Variants in LRMDA observed in about 807,000 individuals in gnomAD.
LRMDA encodes leucine rich melanocyte differentiation associated.
In LRMDA, 18 loss-of-function variants were observed where a neutral mutation model predicts 29.8. The ratio of observed to expected loss-of-function variants is 0.60; its 90% CI spans 0.42 to 0.90. The LOEUF is 0.90. LRMDA is among the 40% of genes least tolerant of loss of function. LRMDA has a pLI of 0.00. For synonymous variants in LRMDA, 125 were observed against 109.4 expected (o/e 1.14, Z -0.89); for missense variants, 273 against 273.9 (o/e 1.00, Z 0.02).
At chr10:75,712,932 A>T (rs1185001072) in intron 2 of LRMDA, among the ~76,000 whole-genome samples, 1 of 152,046 alleles carries the variant, frequency 6.6e-6, no homozygotes, top group Admixed American at 6.5e-5. Flanking sequence ...TAATGTTTCC[A>T]CTAAATTTAC....
chr10:76,489,562 T>G (rs547576760), intron 6 of LRMDA, among the ~76,000 whole-genome samples: 30 of 152,086 alleles, frequency 2.0e-4, no homozygotes, highest in African/African-American at 6.0e-4. Context: ...ATTTTGAGTT[T>G]TGTTGCTCTT....
intron 6 of LRMDA, among the ~76,000 whole-genome samples, chr10:76,390,504 CAAA>C (rs1287185717): frequency 1.1e-5 from 1 of 95,232 alleles, no homozygotes. Context: ...TTAAGCAGAA[CAAA>C]AAAAAAAAAA....
At chr10:76,004,968 C>G (rs1324040916) in intron 2 of LRMDA, among the ~76,000 whole-genome samples, 1 of 152,038 alleles carries the variant, frequency 6.6e-6, no homozygotes, top group Non-Finnish European at 1.5e-5. Flanking sequence ...ACCTTGTGAT[C>G]CACCCACCTC....
chr10:76,290,050 A>G (rs1386005066), intron 5 of LRMDA, among the ~76,000 whole-genome samples: 3 of 152,220 alleles, frequency 2.0e-5, no homozygotes, highest in Non-Finnish European at 4.4e-5. Flanking sequence ...TGTAACCACT[A>G]TTAACTGTGT....
intron 2 of LRMDA, among the ~76,000 whole-genome samples, chr10:75,607,824 G>GTTT (rs5786180): frequency 5.3e-4 from 38 of 72,258 alleles, no homozygotes; most frequent in African/African-American, 1.6e-3. Context: ...TGATTCAGTG[G>GTTT]TTTTTTTTTT....
At chr10:76,145,358 C>G (rs1384990137) in intron 5 of LRMDA, among the ~76,000 whole-genome samples, 3 of 152,144 alleles carry the variant, frequency 2.0e-5, no homozygotes, top group African/African-American at 7.2e-5. Context: ...ATTATTGCCT[C>G]AATTTCAGAG....
intron 2 of LRMDA, chr10:75,451,555 T>C (rs1021059827): frequency 1.3e-5 from 2 of 152,218 alleles, no homozygotes; most frequent in Non-Finnish European, 2.9e-5. Flanking sequence ...AGCAAGCTAA[T>C]TGATTTATCT....
chr10:75,900,704 C>G (rs1316764631), intron 2 of LRMDA, among the ~76,000 whole-genome samples: 1 of 152,182 alleles, frequency 6.6e-6, no homozygotes, highest in Non-Finnish European at 1.5e-5. Context: ...GTGGACCTCA[C>G]TGCAGATCCA....
intron 5 of LRMDA, among the ~76,000 whole-genome samples, chr10:76,107,620 G>C (rs191626885): frequency 6.6e-6 from 1 of 152,198 alleles, no homozygotes; most frequent in South Asian, 2.1e-4. Context: ...TGTTTCCGCT[G>C]TCTCTGTTAA....
chr10:76,121,611 C>T (rs1478811377), intron 5 of LRMDA, among the ~76,000 whole-genome samples: 2 of 152,196 alleles, frequency 1.3e-5, no homozygotes, highest in Admixed American at 6.5e-5. Flanking sequence ...TAATGTCATT[C>T]TCCCATGCCA....
intron 5 of LRMDA, among the ~76,000 whole-genome samples, chr10:76,113,110 ATCT>A (rs1849608315): frequency 6.6e-6 from 1 of 152,028 alleles, no homozygotes; most frequent in Non-Finnish European, 1.5e-5. Context: ...AGGAGTGTAA[ATCT>A]TCTAGTTTGG....
intron 2 of LRMDA, among the ~76,000 whole-genome samples, chr10:75,794,891 A>C (rs980801852): frequency 6.6e-6 from 1 of 151,972 alleles, no homozygotes; most frequent in African/African-American, 2.4e-5. Context: ...TTCACTTCTT[A>C]AATGGTGCCT....
chr10:76,389,840 T>C (rs1841702267), intron 6 of LRMDA, among the ~76,000 whole-genome samples: 1 of 152,306 alleles, frequency 6.6e-6, no homozygotes, highest in East Asian at 1.9e-4. Context: ...TCCAATTGTA[T>C]CTATATGCCA....
In LRMDA at chr10:75,819,944, CTT is replaced by C. The variant is rs537258168; in HGVS notation, c.132-216061_132-216060del. On this transcript the variant is annotated intron_variant, in intron 2 of 6. Coordinates refer to ENST00000611255, the MANE Select transcript of LRMDA (RefSeq NM_001305581.2). ...GGATGTAAAATATCTCATCAGTAAT[CTT>C]TTATTTTGACAAGAGGATGTAACAA... Among the ~76,000 whole-genome samples, 1,239 of 152,248 alleles carry C rather than the reference CTT, an allele frequency of 8.1e-3. 4 individuals carry two copies. Among genetic ancestry groups the C allele is most frequent in the Non-Finnish European group, 0.013 (857 of 68,008 alleles).
At chr10:76,410,449 T>C (rs1841948225) in intron 6 of LRMDA, among the ~76,000 whole-genome samples, 1 of 151,672 alleles carries the variant, frequency 6.6e-6, no homozygotes, top group South Asian at 2.1e-4. Flanking sequence ...GCTGGGACTA[T>C]AGGCACATAC....
At chr10:76,004,757 T>C (rs1230608820) in intron 2 of LRMDA, among the ~76,000 whole-genome samples, 1 of 147,510 alleles carries the variant, frequency 6.8e-6, no homozygotes, top group African/African-American at 2.5e-5. Flanking sequence ...AGACGGAGTC[T>C]CACTCTGTGG....
chr10:76,475,614 CCA>C (rs1842661492), intron 6 of LRMDA, among the ~76,000 whole-genome samples: 1 of 151,976 alleles, frequency 6.6e-6, no homozygotes, highest in African/African-American at 2.4e-5. Context: ...CAGCACCACA[CCA>C]CACTTATTCC....
chr10:76,539,116 C>T (rs1589229794), intron 6 of LRMDA, among the ~76,000 whole-genome samples: 1 of 152,066 alleles, frequency 6.6e-6, no homozygotes. Flanking sequence ...CAGAGACTAG[C>T]CACTTCTTAG....
chr10:75,612,917 C>A (rs969372692), intron 2 of LRMDA, among the ~76,000 whole-genome samples: 3 of 151,834 alleles, frequency 2.0e-5, no homozygotes, highest in Non-Finnish European at 4.4e-5. Context: ...TTGCTCATGT[C>A]AAAAGACTTG....
Sources: gnomAD v4.1 joint callset for allele counts (sites outside exome capture counted in the v4.1 genomes callset) on GRCh38, gnomAD v4.1.1 for gene constraint, MANE v1.5 for transcripts, NCBI Gene and HGNC (gene_info 2026-07-23, HGNC 2026-07-21) for gene names.